DLG5: variants seen among roughly 807,000 people sequenced by gnomAD.
The protein encoded by DLG5 is disks large homolog 5.
Under a neutral mutation model 189.8 loss-of-function variants are expected in DLG5, and 48 were observed. The observed-to-expected ratio is 0.25, with a 90% CI of 0.20 to 0.32. The LOEUF (loss-of-function observed/expected upper bound fraction) is 0.32. DLG5 is among the 10% of genes least tolerant of loss of function. DLG5 has a pLI of 1.00. For synonymous variants in DLG5, 1,016 were observed against 1,054.1 expected, an observed-to-expected ratio of 0.96 and a Z score of 0.70; for missense variants, 2,160 against 2,544.7, an observed-to-expected ratio of 0.85 and a Z score of 3.25.
At chr10:77,819,786 G>T in intron 16 of DLG5, 109 bp downstream of exon 16, 1 of 1,472,786 alleles carries the variant, frequency 6.8e-7, no homozygotes, top group South Asian at 1.4e-5. Flanking sequence ...GGACCTCAGG[G>T]CTGAAAACAC....
In DLG5 at chr10:77,916,904, A is replaced by AATATATATATATATATATATAT. The variant is rs55841913; in HGVS notation, c.304+9291_304+9312dup. Among the ~76,000 whole-genome samples, 291 of 128,950 alleles carry AATATATATATATATATATATAT rather than the reference A, an allele frequency of 2.3e-3. 2 individuals are homozygous for AATATATATATATATATATATAT. The highest frequency in any genetic ancestry group is 4.4e-3 in the African/African-American group (142 of 32,190). The allele number at this position is 128,950 out of a possible 152,430, so 84.6% of individuals were successfully genotyped here. On this transcript the variant is annotated intron_variant, in intron 1 of 31. Transcript: ENST00000372391. ...AGGTAAAGAAACAAATAAAATATAGAATATATATATATATATATATATGAA... is the reference window on the plus strand; with the variant it reads ...AGGTAAAGAAACAAATAAAATATAGAATATATATATATATATATATATATATATATATATATATATATATGAA...
rs1352542158 is a variant in DLG5 at position 77,926,578 on chromosome 10, C to G, written c.-58G>C. ...CGCCTCCCGGGCCCCCCGAGGCCGGCGGGCGGGCAGGCGAGCACCTCGGCA... is the reference window on the plus strand; with the variant it reads ...CGCCTCCCGGGCCCCCCGAGGCCGGGGGGCGGGCAGGCGAGCACCTCGGCA... On this transcript the variant is annotated 5_prime_UTR_variant, in exon 1 of 32. Coordinates refer to ENST00000372391, the MANE Select transcript of DLG5 (RefSeq NM_004747.4). The surrounding 1 kb of genome is among the most constrained non-coding windows in gnomAD (Gnocchi z 5.2). 1 of 1,184,936 alleles carries G rather than the reference C, an allele frequency of 8.4e-7. No homozygotes were observed. The highest frequency in any genetic ancestry group is 1.0e-6 in the Non-Finnish European group (1 of 957,492). The allele number at this position is 1,184,936 out of a possible 1,614,324, so 73.4% of individuals were successfully genotyped here.
In DLG5 at chr10:77,811,528, G is replaced by A. The variant is rs1841772285; in HGVS notation, c.4323-294C>T. 2.0e-5 allele frequency among the ~76,000 whole-genome samples: 3 copies of A among 152,194 alleles called. No homozygotes were observed. The South Asian group carries it at 6.2e-4, about 32-fold the overall frequency. The stretch of plus-strand genomic sequence containing the variant: ...GCATCCCATCTCTCCTGCTGAGCTT[G>A]TGGCGCAGCACTGCAGGGCATGCCT... On this transcript the variant is annotated intron_variant, in intron 22 of 31. Transcript: ENST00000372391.
chr10:77,936,435 TCAAAA>T, the DLG5 span, among the ~76,000 whole-genome samples: 232 of 106,578 alleles, frequency 2.2e-3, 18 homozygotes, highest in East Asian at 8.8e-3. Flanking sequence ...AGACTCCGTC[TCAAAA>T]CAAAACAAAA....
intron 31 of DLG5, 194 bp from the exon 32 acceptor site, chr10:77,792,737 A>G: frequency 1.7e-6 from 1 of 598,610 alleles, no homozygotes; most frequent in Non-Finnish European, 3.0e-6. Flanking sequence ...TGAGTTGATC[A>G]CTCATATGTA....
chr10:77,916,295 T>A (rs1040145502), intron 1 of DLG5, among the ~76,000 whole-genome samples: 16 of 150,138 alleles, frequency 1.1e-4, no homozygotes, highest in African/African-American at 1.5e-4. Flanking sequence ...AGAAAAAAAA[T>A]TTTTTTTTTT....
intron 1 of DLG5, among the ~76,000 whole-genome samples, chr10:77,899,964 G>A (rs896917239): frequency 6.6e-6 from 1 of 151,958 alleles, no homozygotes; most frequent in Non-Finnish European, 1.5e-5. Flanking sequence ...AACCTTCTAC[G>A]GCTCCCTCTG....
intron 3 of DLG5, among the ~76,000 whole-genome samples, chr10:77,855,046 A>AT (rs1844165212): frequency 6.6e-6 from 1 of 152,096 alleles, no homozygotes; most frequent in Non-Finnish European, 1.5e-5. Context: ...AAGAAAAGAA[A>AT]TTTCTCCTCT....
At chr10:77,918,175 C>A (rs1846424733) in intron 1 of DLG5, among the ~76,000 whole-genome samples, 1 of 152,046 alleles carries the variant, frequency 6.6e-6, no homozygotes, top group African/African-American at 2.4e-5. Flanking sequence ...CTTTGAGAGG[C>A]CAAGGTGGGC....
At position 77,853,531 on chromosome 10, in the gene DLG5, G is replaced by A. The variant is rs1032510076; in HGVS notation, c.687C>T (p.Leu229=). Residue 229 remains leucine, a synonymous_variant, in exon 5 of 32, where the codon CTC becomes CTT. Transcript: ENST00000372391. ...VAKETDFYHT[L]HSRLLSDQTR... Reference sequence around the variant, plus strand: ...TCTGGTCACTCAGGAGCCGGCTGTGGAGTGTGCTGAAACACCCGGTACATG... The same window carrying A: ...TCTGGTCACTCAGGAGCCGGCTGTGAAGTGTGCTGAAACACCCGGTACATG... 2.5e-6 allele frequency: 4 copies of A among 1,599,480 alleles called. No homozygotes were observed. The highest frequency in any genetic ancestry group is 2.7e-5 in the African/African-American group (2 of 74,786).
chr10:77,808,533 A>T (rs1406691464), intron 24 of DLG5, among the ~76,000 whole-genome samples: 1 of 152,116 alleles, frequency 6.6e-6, no homozygotes, highest in East Asian at 1.9e-4. Flanking sequence ...TGGCCTCCTA[A>T]AATTCACAGG....
intron 1 of DLG5, among the ~76,000 whole-genome samples, chr10:77,898,347 C>T (rs1015040569): frequency 1.3e-5 from 2 of 152,208 alleles, no homozygotes; most frequent in Non-Finnish European, 2.9e-5. Context: ...CTGAATTGCT[C>T]GTAGGATTTA....
chr10:77,934,388 AG>A, the DLG5 span, among the ~76,000 whole-genome samples: 353 of 151,194 alleles, frequency 2.3e-3, 2 homozygotes, highest in Non-Finnish European at 4.4e-3. Flanking sequence ...AAAAAAAAAA[AG>A]AAAAGGAAAA....
At position 77,821,789 on chromosome 10, in the gene DLG5, C is replaced by T. The variant is rs759333813; in HGVS notation, c.2695G>A (p.Ala899Thr). 2 of 1,611,418 alleles carry T rather than the reference C, an allele frequency of 1.2e-6. No individual in the cohort carries two copies. The highest frequency in any genetic ancestry group is 8.5e-7 in the Non-Finnish European group (1 of 1,178,960). The change falls in exon 15 of 32, where the codon GCC becomes ACC. Residue 899 changes from alanine (A) to threonine (T), a missense_variant. Physicochemically the swap from Ala to Thr is moderately conservative, Grantham distance 58 (BLOSUM62 0). Around this residue, in one of 5 missense-constraint regions of DLG5, gnomAD observed 754 missense variants for 746.5 expected, o/e 1.01. Transcript: ENST00000372391. ...ERSLSSFRSD[A>T]SGDRGFGLVD... ...AGCCCAAAGCCACGGTCCCCAGAGG[C>T]ATCTGAGCGGAAGGAGCTCAGGCTA... is the stretch of plus-strand genomic sequence containing the variant.
intron 1 of DLG5, among the ~76,000 whole-genome samples, chr10:77,915,795 A>G (rs1285723244): frequency 6.6e-6 from 1 of 152,272 alleles, no homozygotes; most frequent in Non-Finnish European, 1.5e-5. Context: ...AAACGGGATA[A>G]GGAGGAAGTA....
chr10:77,843,488 C>T lies in DLG5; in HGVS notation c.1083G>A (p.Thr361=), dbSNP rs1259727823. ...CGCACTGGTGCTGCAGCTGGATGGC[C>T]GTGTCCCTCTGCTGGGTCAGCATCT... The part of the protein sequence containing the change: ...QTEMLTQQRD[T]AIQLQHQCAL... The change falls in exon 6 of 32, where the codon ACG becomes ACA. Residue 361 remains threonine (T), a synonymous_variant. Transcript: ENST00000372391. The T allele has an allele frequency of 5.6e-6, 9 of 1,614,110 alleles. No individual in the cohort carries two copies. The highest frequency in any genetic ancestry group is 6.8e-6 in the Non-Finnish European group (8 of 1,180,044).
intron 1 of DLG5, among the ~76,000 whole-genome samples, chr10:77,917,198 C>T (rs1459246274): frequency 6.6e-6 from 1 of 151,712 alleles, no homozygotes. Context: ...AAAAATCAGT[C>T]GGGCATGGTG....
intron 1 of DLG5, among the ~76,000 whole-genome samples, chr10:77,884,241 T>C (rs979112859): frequency 9.9e-5 from 15 of 152,080 alleles, no homozygotes; most frequent in African/African-American, 3.6e-4. Context: ...ATCTGGTCAT[T>C]TGGAGGTCAA....
At chr10:77,855,142 C>T (rs941561884) in intron 3 of DLG5, among the ~76,000 whole-genome samples, 4 of 152,102 alleles carry the variant, frequency 2.6e-5, no homozygotes, top group African/African-American at 4.8e-5. Context: ...AGGATAAAAC[C>T]CAAACGTGAG....
Sources: allele counts gnomAD v4.1 joint callset (sites outside exome capture counted in the v4.1 genomes callset), GRCh38; gene constraint gnomAD v4.1.1; regional missense constraint gnomAD v4.1.1; non-coding constraint Gnocchi (gnomAD v3.1); transcripts MANE v1.5; gene names NCBI Gene and HGNC (gene_info 2026-07-23, HGNC 2026-07-21).